The following CREB5 variants were observed in gnomAD, a reference collection of about 807,000 sequenced individuals.
The protein encoded by CREB5 is cAMP responsive element binding protein 5.
In CREB5, 19 loss-of-function variants were observed where a neutral mutation model predicts 57.1. That is an observed-to-expected ratio of 0.33 (90% CI 0.23 to 0.49). The LOEUF (loss-of-function observed/expected upper bound fraction) is 0.49, where lower values mean the gene tolerates loss of function less well. Among genes scored for constraint, CREB5 ranks in the 20% least tolerant of loss-of-function variants. The probability of loss-of-function intolerance (pLI) is 0.99; values close to 1 mark genes in which losing one functional copy is unlikely to be tolerated. For missense variants in CREB5, 579 were observed against 671.6 expected, an observed-to-expected ratio of 0.86 and a Z score of 1.52; for synonymous variants, 238 against 238.3, an observed-to-expected ratio of 1.00 and a Z score of 0.01.
intron 7 of CREB5, among the ~76,000 whole-genome samples, chr7:28,772,068 C>T (rs1416538189): frequency 6.6e-6 from 1 of 152,176 alleles, no homozygotes; most frequent in South Asian, 2.1e-4. Flanking sequence ...TCTCGGGCCA[C>T]CACCTACCTT....
intron 9 of CREB5, among the ~76,000 whole-genome samples, chr7:28,809,947 GAAGA>G (rs1279131398): frequency 6.6e-6 from 1 of 152,170 alleles, no homozygotes; most frequent in Admixed American, 6.5e-5. Context: ...TTGTTTCATG[GAAGA>G]AAGAAAGGTT....
In CREB5 at chr7:28,744,340, C is replaced by CT. The variant is rs753167682; in HGVS notation, c.702+20034dup. The stretch of plus-strand genomic sequence containing the variant: ...ACCTCTCATTTTACCTTTAGTACCT[C>CT]TTTTTTTTTTTTTTTTTTTTTTTTT... On this transcript the variant is annotated intron_variant, in intron 7 of 10. Coordinates refer to ENST00000357727, the MANE Select transcript of CREB5 (RefSeq NM_182898.4). Among the ~76,000 whole-genome samples, 285 of 88,826 alleles carry CT rather than the reference C, an allele frequency of 3.2e-3. 16 individuals carry two copies. Among genetic ancestry groups the CT allele is most frequent in the South Asian group, 5.6e-3 (13 of 2,304 alleles). 58.3% of individuals were successfully genotyped at this position (88,826 alleles called of 152,430 possible). A position where few individuals can be genotyped will look rare whatever the true frequency, so the allele number is the denominator to read the frequency against.
intron 5 of CREB5, among the ~76,000 whole-genome samples, chr7:28,652,458 A>G (rs1799171887): frequency 6.6e-6 from 1 of 152,246 alleles, no homozygotes; most frequent in Admixed American, 6.5e-5. Flanking sequence ...AGATGAAAGA[A>G]TATGATTATG....
At chr7:28,363,729 G>T (rs1234984906) in intron 1 of CREB5, among the ~76,000 whole-genome samples, 1 of 152,162 alleles carries the variant, frequency 6.6e-6, no homozygotes, top group African/African-American at 2.4e-5. Context: ...TTTTTGGAGG[G>T]CAGCAGAGCT....
At chr7:28,717,270 G>C (rs1175735065) in intron 5 of CREB5, among the ~76,000 whole-genome samples, 1 of 151,656 alleles carries the variant, frequency 6.6e-6, no homozygotes, top group Admixed American at 6.6e-5. Context: ...TGTTGGCCAG[G>C]CTGGTCTCGA....
chr7:28,705,526 G>T (rs1039002035), intron 5 of CREB5, among the ~76,000 whole-genome samples: 1 of 152,088 alleles, frequency 6.6e-6, no homozygotes, highest in African/African-American at 2.4e-5. Flanking sequence ...TTATACTAGG[G>T]ACTTACTGTC....
intron 4 of CREB5, among the ~76,000 whole-genome samples, chr7:28,568,113 C>T (rs555832237): frequency 2.6e-5 from 4 of 151,996 alleles, no homozygotes; most frequent in South Asian, 4.2e-4. Context: ...GAAGGATGGA[C>T]GGAAAGATTG....
intron 5 of CREB5, among the ~76,000 whole-genome samples, chr7:28,591,234 T>G (rs2072718509): frequency 6.6e-6 from 1 of 152,204 alleles, no homozygotes; most frequent in Non-Finnish European, 1.5e-5. Flanking sequence ...TGGGTCTTCC[T>G]TTGTAGCTTG....
intron 7 of CREB5, among the ~76,000 whole-genome samples, chr7:28,797,783 A>G (rs1300225852): frequency 6.6e-6 from 1 of 152,226 alleles, no homozygotes; most frequent in Non-Finnish European, 1.5e-5. Flanking sequence ...GGGCTTTTTT[A>G]GTAATTCAGA....
chr7:28,663,434 G>A (rs904870220), intron 5 of CREB5, among the ~76,000 whole-genome samples: 1 of 152,032 alleles, frequency 6.6e-6, no homozygotes, highest in Non-Finnish European at 1.5e-5. Context: ...CAAACTCTTG[G>A]GCTCAAGAGA....
intron 5 of CREB5, among the ~76,000 whole-genome samples, chr7:28,677,265 C>A (rs1175881369): frequency 6.6e-6 from 1 of 152,134 alleles, no homozygotes; most frequent in Non-Finnish European, 1.5e-5. Flanking sequence ...GACTATGGAT[C>A]ACTAGCATCA....
chr7:28,533,979 T>C (rs1367378349), intron 4 of CREB5, among the ~76,000 whole-genome samples: 1 of 152,224 alleles, frequency 6.6e-6, no homozygotes, highest in East Asian at 1.9e-4. Flanking sequence ...GATTTTCAGT[T>C]ATGTTCTGAG....
intron 1 of CREB5, among the ~76,000 whole-genome samples, chr7:28,306,619 G>T (rs1332060388): frequency 2.3e-5 from 3 of 129,568 alleles, no homozygotes; most frequent in Admixed American, 1.8e-4. Context: ...GGAGTGCAGT[G>T]GCGGGATCTC....
intron 5 of CREB5, among the ~76,000 whole-genome samples, chr7:28,692,186 C>A (rs1182790555): frequency 3.3e-4 from 48 of 145,532 alleles, no homozygotes; most frequent in Admixed American, 4.1e-4. Flanking sequence ...ACTCCGTCTC[C>A]AAAAAAAAAA....
At chr7:28,732,839 G>A (rs1281357786) in intron 7 of CREB5, among the ~76,000 whole-genome samples, 2 of 106,634 alleles carry the variant, frequency 1.9e-5, no homozygotes, top group African/African-American at 3.1e-5. Context: ...AAAGGTTTAG[G>A]GTTGTTTTTT....
chr7:28,642,979 C>CACACACACAT lies in CREB5; in HGVS notation c.464+72449_464+72450insCATACACACA, dbSNP rs1562544714. ...ACACACACACACACACACACACACA[C>CACACACACAT]ACACACATACACACACACACACACA... On this transcript the variant is annotated intron_variant, in intron 5 of 10. Transcript: ENST00000357727. Among the ~76,000 whole-genome samples, 363 of 101,216 alleles carry CACACACACAT rather than the reference C, an allele frequency of 3.6e-3. 2 individuals are homozygous for CACACACACAT. Among genetic ancestry groups the CACACACACAT allele is most frequent in the African/African-American group, 0.012 (333 of 28,202 alleles). The allele number at this position is 101,216 out of a possible 152,430, so 66.4% of individuals were successfully genotyped here.
chr7:28,517,348 GTTGTT>G (rs1793010413), intron 4 of CREB5, among the ~76,000 whole-genome samples: 1 of 152,222 alleles, frequency 6.6e-6, no homozygotes, highest in Admixed American at 6.5e-5. Context: ...GCATTTGTGT[GTTGTT>G]AAGTTATTTC....
chr7:28,817,913 T>C (rs1333153474), intron 9 of CREB5, among the ~76,000 whole-genome samples, 158 bp from the exon 10 acceptor site: 1 of 152,206 alleles, frequency 6.6e-6, no homozygotes, highest in African/African-American at 2.4e-5. Flanking sequence ...AAATTAAAGG[T>C]AAGCTACAAA....
intron 4 of CREB5, among the ~76,000 whole-genome samples, chr7:28,520,676 C>G (rs112668334): frequency 8.5e-5 from 13 of 152,228 alleles, no homozygotes; most frequent in Non-Finnish European, 1.8e-4. Flanking sequence ...AAGACTATCT[C>G]TGAGATAAGA....
Sources: gnomAD v4.1 joint callset for allele counts (sites outside exome capture counted in the v4.1 genomes callset) on GRCh38, gnomAD v4.1.1 for gene constraint, MANE v1.5 for transcripts, NCBI Gene and HGNC (gene_info 2026-07-23, HGNC 2026-07-21) for gene names.